ARHGAP10: variants seen among roughly 807,000 people sequenced by gnomAD.
The protein encoded by ARHGAP10 is Rho GTPase activating protein 10.
Under a neutral mutation model 108.6 loss-of-function variants are expected in ARHGAP10, and 87 were observed. The observed-to-expected ratio is 0.80, with a 90% CI of 0.67 to 0.96. The LOEUF (loss-of-function observed/expected upper bound fraction) is 0.96. Among genes scored for constraint, ARHGAP10 ranks in the 40% least tolerant of loss-of-function variants. ARHGAP10 has a pLI of 0.00. For synonymous variants in ARHGAP10, 347 were observed against 341.1 expected (o/e 1.02, Z -0.19); for missense variants, 939 against 954.5 (o/e 0.98, Z 0.21).
At chr4:147,940,465 A>G (rs2126962429) in intron 14 of ARHGAP10, among the ~76,000 whole-genome samples, 1 of 152,248 alleles carries the variant, frequency 6.6e-6, no homozygotes, top group East Asian at 1.9e-4. Context: ...ATTACCCCAG[A>G]CATTATGTGA....
intron 14 of ARHGAP10, among the ~76,000 whole-genome samples, chr4:147,945,472 G>A (rs1189537693): frequency 6.6e-6 from 1 of 152,174 alleles, no homozygotes; most frequent in Non-Finnish European, 1.5e-5. Context: ...TAGAATGAAT[G>A]TCTAGAGTGT....
chr4:147,798,649 C>T (rs1180600010), intron 1 of ARHGAP10, among the ~76,000 whole-genome samples: 7 of 150,456 alleles, frequency 4.7e-5, no homozygotes, highest in African/African-American at 9.9e-5. Context: ...TGGCTGGGTG[C>T]AGTGGCTCAC....
intron 1 of ARHGAP10, among the ~76,000 whole-genome samples, chr4:147,741,794 A>ACACG (rs1553944881): frequency 2.4e-4 from 6 of 25,310 alleles, no homozygotes; most frequent in Admixed American, 9.5e-4. Flanking sequence ...ACACACACGC[A>ACACG]CACACACACA....
intron 15 of ARHGAP10, among the ~76,000 whole-genome samples, chr4:147,950,114 AAAATACACATTCTGCCTGAATGTGAT>A (rs1295420834): frequency 6.6e-6 from 1 of 152,206 alleles, no homozygotes; most frequent in Non-Finnish European, 1.5e-5. Flanking sequence ...CACTTCTAAC[AAAATACACATTCTGCCTGAATGTGAT>A]AAAGTGAATT....
chr4:147,833,805 A>G lies in ARHGAP10; in HGVS notation c.312+10848A>G, dbSNP rs528461337. 5.9e-5 allele frequency among the ~76,000 whole-genome samples: 9 copies of G among 152,272 alleles called. No individual in the cohort carries two copies. In the South Asian group the frequency reaches 1.9e-3, roughly 32 times the overall value. On this transcript the variant is annotated intron_variant, in intron 3 of 22. Transcript: ENST00000336498. Reference sequence around the variant, plus strand: ...GTTGGTGGTGATTAGATTCAATGATATATATATTAAGTTGGTGGTAGAGAT... The same window carrying G: ...GTTGGTGGTGATTAGATTCAATGATGTATATATTAAGTTGGTGGTAGAGAT...
intron 1 of ARHGAP10, among the ~76,000 whole-genome samples, chr4:147,751,275 T>C (rs1729135019): frequency 6.6e-6 from 1 of 152,174 alleles, no homozygotes; most frequent in Non-Finnish European, 1.5e-5. Flanking sequence ...AGTTTAGCTA[T>C]TGTTAAACAT....
intron 10 of ARHGAP10, among the ~76,000 whole-genome samples, chr4:147,901,893 C>T (rs1038045013): frequency 2.0e-5 from 3 of 152,152 alleles, no homozygotes; most frequent in Admixed American, 2.0e-4. Context: ...CACATATGAG[C>T]ATCAGTGGAA....
At chr4:148,024,001 C>A (rs1004084423) in intron 19 of ARHGAP10, among the ~76,000 whole-genome samples, 2 of 152,250 alleles carry the variant, frequency 1.3e-5, no homozygotes, top group Non-Finnish European at 2.9e-5. Context: ...TTCAGCTAAT[C>A]GTTGCCACGT....
chr4:147,808,345 A>AC (rs1731869900), intron 1 of ARHGAP10, among the ~76,000 whole-genome samples: 1 of 151,832 alleles, frequency 6.6e-6, no homozygotes, highest in African/African-American at 2.4e-5. Flanking sequence ...TTTTCCAGGA[A>AC]CAGAAGGGAG....
intron 20 of ARHGAP10, among the ~76,000 whole-genome samples, chr4:148,060,636 T>C (rs1465146559): frequency 6.6e-6 from 1 of 152,164 alleles, no homozygotes; most frequent in Non-Finnish European, 1.5e-5. Context: ...CTCATCTCCA[T>C]AGACACTGTC....
intron 1 of ARHGAP10, among the ~76,000 whole-genome samples, chr4:147,764,885 G>A (rs2126710080): frequency 6.6e-6 from 1 of 152,284 alleles, no homozygotes; most frequent in East Asian, 1.9e-4. Context: ...CTGAGGAGCT[G>A]TAAGTTTATT....
At chr4:147,992,526 C>T (rs6535571) in intron 18 of ARHGAP10, among the ~76,000 whole-genome samples, 22,231 of 152,022 alleles carry the variant, frequency 0.15, 2,683 homozygotes, top group African/African-American at 0.33. Context: ...TCTTGTAGCC[C>T]TCCTGAGAGG....
At chr4:147,814,388 G>C (rs910579944) in intron 1 of ARHGAP10, among the ~76,000 whole-genome samples, 1 of 151,886 alleles carries the variant, frequency 6.6e-6, no homozygotes, top group Admixed American at 6.6e-5. Flanking sequence ...TGTTGGCTTT[G>C]ATTGGGAACT....
chr4:148,066,803 T>C (rs917740676), intron 22 of ARHGAP10, among the ~76,000 whole-genome samples: 1 of 152,224 alleles, frequency 6.6e-6, no homozygotes, highest in Non-Finnish European at 1.5e-5. Flanking sequence ...ACAACATTGA[T>C]GTTGTATTAA....
rs1254038583 is a variant in ARHGAP10, at chr4:147,879,343, G to A, written c.939+5G>A. The A allele has an allele frequency of 6.2e-7, 1 of 1,610,580 alleles. No homozygotes were observed. Among genetic ancestry groups the A allele is most frequent in the African/African-American group, 1.3e-5 (1 of 74,928 alleles). On this transcript the variant is annotated splice_donor_5th_base_variant and intron_variant, in intron 9 of 22. Transcript: ENST00000336498. Reference sequence around the variant, plus strand: ...CACAGATCTGGAGGGAAACTTGTAAGTATTTGATTCAACATAGAATAGATT... The same window carrying A: ...CACAGATCTGGAGGGAAACTTGTAAATATTTGATTCAACATAGAATAGATT...
At chr4:147,902,689 C>T (rs1041158219) in intron 10 of ARHGAP10, among the ~76,000 whole-genome samples, 2 of 151,878 alleles carry the variant, frequency 1.3e-5, no homozygotes, top group African/African-American at 2.4e-5. Flanking sequence ...TGCAGTAAGC[C>T]GAGACTGCAC....
At chr4:147,816,184 A>G (rs1467292769) in intron 1 of ARHGAP10, among the ~76,000 whole-genome samples, 1 of 152,144 alleles carries the variant, frequency 6.6e-6, no homozygotes, top group African/African-American at 2.4e-5. Context: ...GCCTAGCCCC[A>G]GTAGTTTCTC....
At chr4:147,743,991 T>C (rs998294887) in intron 1 of ARHGAP10, among the ~76,000 whole-genome samples, 2 of 152,190 alleles carry the variant, frequency 1.3e-5, no homozygotes, top group Non-Finnish European at 2.9e-5. Flanking sequence ...GGTGTCATCT[T>C]GTCACTGAAC....
At chr4:147,907,670 A>G (rs1231490526) in intron 11 of ARHGAP10, among the ~76,000 whole-genome samples, 2 of 152,326 alleles carry the variant, frequency 1.3e-5, no homozygotes, top group Non-Finnish European at 2.9e-5. Flanking sequence ...TCAGTAGCGC[A>G]TGTGGCAATC....
Sources: gnomAD v4.1 joint callset for allele counts (sites outside exome capture counted in the v4.1 genomes callset) on GRCh38, gnomAD v4.1.1 for gene constraint, MANE v1.5 for transcripts, NCBI Gene and HGNC (gene_info 2026-07-23, HGNC 2026-07-21) for gene names.